The following PFKFB2 variants were observed in gnomAD, a reference collection of about 807,000 sequenced individuals.
The protein encoded by PFKFB2 is 6-phosphofructo-2-kinase/fructose-2,6-biphosphatase 2.
PFKFB2 carries 53 observed loss-of-function variants against 68.0 expected under a neutral mutation model. That is an observed-to-expected ratio of 0.78 (90% CI 0.63 to 0.98). PFKFB2 has a LOEUF of 0.98. Among genes scored for constraint, PFKFB2 ranks in the 50% least tolerant of loss-of-function variants. The probability of loss-of-function intolerance (pLI) is 0.00; values close to 1 mark genes in which losing one functional copy is unlikely to be tolerated. For missense variants in PFKFB2, 451 were observed against 642.0 expected (o/e 0.70, Z 3.22); for synonymous variants, 222 against 227.6 (o/e 0.98, Z 0.22).
At position 207,061,183 on chromosome 1, in the gene PFKFB2, A is replaced by C. The variant is rs557196466; in HGVS notation, c.86-770A>C. ...TATATCTTTATATATATATATATAT[A>C]TATATATATATATATATATTTTAAG... On this transcript the variant is annotated intron_variant, in intron 2 of 14. Transcript: ENST00000367080. Among the ~76,000 whole-genome samples the C allele has an allele frequency of 7.0e-3, 739 of 105,102 alleles. 35 individuals carry two copies. Among genetic ancestry groups the C allele is most frequent in the African/African-American group, 0.026 (701 of 26,670 alleles). 69.0% of individuals were successfully genotyped at this position (105,102 alleles called of 152,430 possible).
chr1:207,061,083 ATCTT>A (rs1683081057), intron 2 of PFKFB2, among the ~76,000 whole-genome samples: 3 of 118,478 alleles, frequency 2.5e-5, no homozygotes, highest in African/African-American at 3.5e-5. Context: ...ATCTTTATAT[ATCTT>A]TATATATATC....
intron 8 of PFKFB2, among the ~76,000 whole-genome samples, chr1:207,066,636 G>T (rs1050035526): frequency 1.3e-5 from 2 of 151,968 alleles, no homozygotes; most frequent in African/African-American, 2.4e-5. Flanking sequence ...CTGATTTTTT[G>T]ATTTAAAATA....
intron 2 of PFKFB2, among the ~76,000 whole-genome samples, chr1:207,057,302 C>CAAA (rs748726221): frequency 7.9e-4 from 32 of 40,394 alleles, no homozygotes; most frequent in Middle Eastern, 0.012. Context: ...AAAAAAACTA[C>CAAA]AAAAAAAAAA....
In PFKFB2 at chr1:207,075,008, G is replaced by A. The variant is rs1683584147; in HGVS notation, c.*2637G>A. 4.1e-6 allele frequency: 4 copies of A among 985,464 alleles called. No homozygotes were observed. Among genetic ancestry groups the A allele is most frequent in the Non-Finnish European group, 4.8e-6 (4 of 829,958 alleles). The allele number at this position is 985,464 out of a possible 1,614,324, so 61.0% of individuals were successfully genotyped here. ...CACATTTGCTTGGATGGTGGCATCT[G>A]TAGCCCAAATGGGCATTCAGTCTTT... On this transcript the variant is annotated 3_prime_UTR_variant, in exon 15 of 15. Transcript: ENST00000367080.
At chr1:207,050,316 G>A (rs937807877), upstream of PFKFB2, among the ~76,000 whole-genome samples, 5 of 152,072 alleles carry the variant, frequency 3.3e-5, no homozygotes, top group African/African-American at 1.2e-4. Context: ...AAAAAATCCT[G>A]CACCCTTGAG....
intron 1 of PFKFB2, among the ~76,000 whole-genome samples, chr1:207,054,480 G>A (rs74641571): frequency 6.6e-6 from 1 of 152,312 alleles, no homozygotes; most frequent in African/African-American, 2.4e-5. Flanking sequence ...ATGTAGACTC[G>A]TAAGTCAGAA....
Position 207,063,893 on chromosome 1 carries a change from G to A in PFKFB2, c.507+64G>A. ...TTGTGCTGTGTGTGTTGTGGGGTGT[G>A]TGTGTGTGTGTGTGTGTGTGTGTTG... On this transcript the variant is annotated intron_variant, in intron 7 of 14. Coordinates refer to ENST00000367080, the MANE Select transcript of PFKFB2 (RefSeq NM_006212.2). This position sits in a 1 kb window ranked among gnomAD's most constrained non-coding sequence, Gnocchi z 4.1. The A allele has an allele frequency of 7.3e-6, 7 of 960,052 alleles. No individual in the cohort carries two copies. In the East Asian group the frequency reaches 1.8e-4, roughly 24 times the overall value. 59.5% of individuals were successfully genotyped at this position (960,052 alleles called of 1,614,324 possible).
At chr1:207,043,357 T>G (rs1682516550) in intron 2 of PFKFB2, among the ~76,000 whole-genome samples, 2 of 152,218 alleles carry the variant, frequency 1.3e-5, no homozygotes, top group Non-Finnish European at 2.9e-5. Flanking sequence ...TCCATAATTT[T>G]AAAGCTTTCA....
At chr1:207,049,272 G>A (rs115740223), upstream of PFKFB2, 129 of 1,614,114 alleles carry the variant, frequency 8.0e-5, no homozygotes, top group East Asian at 2.8e-3. Flanking sequence ...CATAGTGGAT[G>A]CCATCATAAA....
intron 2 of PFKFB2, chr1:207,047,040 T>A (rs1682616152): frequency 6.6e-6 from 1 of 152,408 alleles, no homozygotes; most frequent in African/African-American, 2.4e-5. Context: ...ATATTCTTAA[T>A]TTACAGTTTT....
At chr1:207,068,033 C>T (rs1683346741) in intron 9 of PFKFB2, 130 bp from the exon 10 acceptor site, 1 of 800,374 alleles carries the variant, frequency 1.2e-6, no homozygotes, top group Non-Finnish European at 2.0e-6. Context: ...TGGATTTTGA[C>T]CATGGTTATG....
At position 207,073,019 on chromosome 1, in the gene PFKFB2, T is replaced by C. The variant is rs1277889682; in HGVS notation, c.*648T>C. 5.1e-6 allele frequency: 5 copies of C among 985,380 alleles called. No homozygotes were observed. Among genetic ancestry groups the C allele is most frequent in the Non-Finnish European group, 6.0e-6 (5 of 829,980 alleles). The allele number at this position is 985,380 out of a possible 1,614,324, so 61.0% of individuals were successfully genotyped here. A position where few individuals can be genotyped will look rare whatever the true frequency, so the allele number is the denominator to read the frequency against. ...GACTGGAGGAGTCTTTCCTTTCCTTTCTCCCTTCCTCTCCAGCCAGGTCCT... is the reference window on the plus strand; with the variant it reads ...GACTGGAGGAGTCTTTCCTTTCCTTCCTCCCTTCCTCTCCAGCCAGGTCCT... On this transcript the variant is annotated 3_prime_UTR_variant, in exon 15 of 15. Coordinates refer to ENST00000367080, the MANE Select transcript of PFKFB2 (RefSeq NM_006212.2).
At chr1:207,080,098 A>G (rs1683725071), downstream of PFKFB2, 1 of 152,208 alleles carries the variant, frequency 6.6e-6, no homozygotes, top group Non-Finnish European at 1.5e-5. Flanking sequence ...CCTTACAGAC[A>G]AATCAGATAA....
intron 8 of PFKFB2, among the ~76,000 whole-genome samples, chr1:207,066,498 C>A (rs957996976): frequency 6.6e-6 from 1 of 152,132 alleles, no homozygotes; most frequent in Non-Finnish European, 1.5e-5. Context: ...TAAAAGTATT[C>A]TTCAGTTGGA....
At chr1:207,039,386 T>G (rs1049767760) in intron 1 of PFKFB2, among the ~76,000 whole-genome samples, 3 of 152,218 alleles carry the variant, frequency 2.0e-5, no homozygotes, top group Non-Finnish European at 4.4e-5. Flanking sequence ...TGAAATGTCC[T>G]ACATAACAGA....
chr1:207,047,996 A>C (rs1044013432), intron 2 of PFKFB2: 3 of 152,306 alleles, frequency 2.0e-5, no homozygotes, highest in Non-Finnish European at 2.9e-5. Context: ...AACCCAAAGC[A>C]GAGCATTATT....
chr1:207,057,214 G>C (rs868786708), intron 2 of PFKFB2, among the ~76,000 whole-genome samples: 1 of 150,398 alleles, frequency 6.6e-6, no homozygotes, highest in Admixed American at 6.7e-5. Context: ...TTGGGAGGCC[G>C]AGGAGGGTGG....
At chr1:207,037,220 C>T (rs1236665291) in intron 1 of PFKFB2, among the ~76,000 whole-genome samples, 2 of 152,220 alleles carry the variant, frequency 1.3e-5, no homozygotes, top group Non-Finnish European at 2.9e-5. Flanking sequence ...ACATCCAACA[C>T]AGCTGGCCAC....
chr1:207,074,594 T>G lies in PFKFB2; in HGVS notation c.*2223T>G. The G allele has an allele frequency of 1.0e-6, 1 of 985,384 alleles. No individual in the cohort carries two copies. Among genetic ancestry groups the G allele is most frequent in the Middle Eastern group, 5.2e-4 (1 of 1,914 alleles). The allele number at this position is 985,384 out of a possible 1,614,324, so 61.0% of individuals were successfully genotyped here. A position where few individuals can be genotyped will look rare whatever the true frequency, so the allele number is the denominator to read the frequency against. On this transcript the variant is annotated 3_prime_UTR_variant, in exon 15 of 15. Transcript: ENST00000367080. ...GCTTCTAAAGGCTGCTTACCTAGAT[T>G]CTTCTCAAAATTGTGTCCAAGATGT...
Sources: allele counts gnomAD v4.1 joint callset (sites outside exome capture counted in the v4.1 genomes callset), GRCh38; gene constraint gnomAD v4.1.1; non-coding constraint Gnocchi (gnomAD v3.1); transcripts MANE v1.5; gene names NCBI Gene and HGNC (gene_info 2026-07-23, HGNC 2026-07-21).